MARCHF3: variants seen among roughly 807,000 people sequenced by gnomAD.
MARCHF3 encodes the protein E3 ubiquitin-protein ligase MARCHF3.
MARCHF3 carries 13 observed loss-of-function variants against 24.2 expected under a neutral mutation model. That is an observed-to-expected ratio of 0.54 (90% CI 0.35 to 0.85). The LOEUF (loss-of-function observed/expected upper bound fraction) is 0.85, where lower values mean the gene tolerates loss of function less well. MARCHF3 is among the 40% of genes least tolerant of loss of function. The pLI is 0.01. For missense variants in MARCHF3, 276 were observed against 325.0 expected, an observed-to-expected ratio of 0.85 and a Z score of 1.16; for synonymous variants, 144 against 137.3, an observed-to-expected ratio of 1.05 and a Z score of -0.34.
intron 1 of MARCHF3, among the ~76,000 whole-genome samples, chr5:126,974,301 T>G (rs956779493): frequency 6.6e-6 from 1 of 152,196 alleles, no homozygotes; most frequent in South Asian, 2.1e-4. Flanking sequence ...TGGTCCAGGC[T>G]CCTGGCCCCC....
intron 1 of MARCHF3, among the ~76,000 whole-genome samples, chr5:126,939,205 T>C (rs904995708): frequency 4.6e-5 from 7 of 152,344 alleles, no homozygotes; most frequent in African/African-American, 1.7e-4. Context: ...TATTTATTCA[T>C]TGACAACCCC....
rs539171041 is a variant in MARCHF3 at position 126,908,516 on chromosome 5, G to C, written c.393+6414C>G. On this transcript the variant is annotated intron_variant, in intron 3 of 4. Transcript: ENST00000308660. ...CCCATATTTCTTGGAGGCTTTGCTC[G>C]TTTCTTTTTATTCTTTTTTCTCTAA... Among the ~76,000 whole-genome samples the C allele has an allele frequency of 2.9e-3, 443 of 152,096 alleles. 2 individuals are homozygous for C. Among genetic ancestry groups the C allele is most frequent in the African/African-American group, 8.1e-3 (334 of 41,484 alleles).
At chr5:126,899,907 C>A (rs1754048419) in intron 3 of MARCHF3, among the ~76,000 whole-genome samples, 1 of 152,050 alleles carries the variant, frequency 6.6e-6, no homozygotes, top group Non-Finnish European at 1.5e-5. Flanking sequence ...TAGTGATGAA[C>A]CTACCTTGAC....
intron 1 of MARCHF3, among the ~76,000 whole-genome samples, chr5:126,972,639 T>TA (rs946929353): frequency 7.2e-5 from 11 of 152,200 alleles, no homozygotes; most frequent in African/African-American, 2.7e-4. Context: ...GAGACTGCCT[T>TA]ACCTCCATCC....
chr5:126,980,480 C>T (rs531075266), intron 1 of MARCHF3, among the ~76,000 whole-genome samples: 1 of 152,134 alleles, frequency 6.6e-6, no homozygotes, highest in East Asian at 1.9e-4. Flanking sequence ...AAGTGATTCC[C>T]CTGCCTCAGC....
Position 126,914,693 on chromosome 5 carries a change from TCTA to T in MARCHF3, c.393+234_393+236del, listed in dbSNP as rs951174305. 3 of 578,218 alleles carry T rather than the reference TCTA, an allele frequency of 5.2e-6. No homozygotes were observed. In the African/African-American group the frequency reaches 5.6e-5, roughly 11 times the overall value. The allele number at this position is 578,218 out of a possible 1,614,324, so 35.8% of individuals were successfully genotyped here. On this transcript the variant is annotated intron_variant, in intron 3 of 4. Transcript: ENST00000308660. ...TTATACTAATTTATTCTGCTTTCCTTCTACTGCTGGATCCCAAGTGAGCTAGCA... is the reference window on the plus strand; with the variant it reads ...TTATACTAATTTATTCTGCTTTCCTTCTGCTGGATCCCAAGTGAGCTAGCA...
chr5:126,902,445 G>C (rs1422400131), intron 3 of MARCHF3, among the ~76,000 whole-genome samples: 1 of 152,048 alleles, frequency 6.6e-6, no homozygotes, highest in Non-Finnish European at 1.5e-5. Context: ...TGAGAATGTG[G>C]GTTCTCATTT....
chr5:126,908,051 A>G (rs1754367370), intron 3 of MARCHF3, among the ~76,000 whole-genome samples: 1 of 152,018 alleles, frequency 6.6e-6, no homozygotes. Flanking sequence ...GCTTGTCTGT[A>G]AAGTATTCTA....
chr5:127,018,178 C>G (rs1157537517), intron 1 of MARCHF3, among the ~76,000 whole-genome samples: 2 of 152,142 alleles, frequency 1.3e-5, no homozygotes, highest in Non-Finnish European at 2.9e-5. Context: ...TAAGACCAGC[C>G]TGGCCAACAT....
At chr5:126,937,141 G>A (rs1035656451) in intron 1 of MARCHF3, among the ~76,000 whole-genome samples, 2 of 152,220 alleles carry the variant, frequency 1.3e-5, no homozygotes, top group African/African-American at 2.4e-5. Context: ...CAGCTACAGA[G>A]CACTGCAGCA....
At chr5:126,882,713 GCCTCATATCAGGCACCTC>G (rs1215772540) in intron 3 of MARCHF3, among the ~76,000 whole-genome samples, 4 of 152,154 alleles carry the variant, frequency 2.6e-5, no homozygotes, top group Non-Finnish European at 5.9e-5. Context: ...CACGTGGCCT[GCCTCATATCAGGCACCTC>G]ATGCTAAATG....
intron 3 of MARCHF3, among the ~76,000 whole-genome samples, chr5:126,906,374 T>A (rs1438939501): frequency 6.6e-6 from 1 of 152,240 alleles, no homozygotes; most frequent in Non-Finnish European, 1.5e-5. Context: ...TTGATTGGAA[T>A]AGTTTCAGAA....
At position 126,899,554 on chromosome 5, in the gene MARCHF3, G is replaced by C. The variant is rs549341118; in HGVS notation, c.393+15376C>G. Among the ~76,000 whole-genome samples the C allele has an allele frequency of 2.6e-5, 4 of 152,164 alleles. No homozygotes were observed. In the South Asian group the frequency reaches 8.3e-4, roughly 32 times the overall value. On this transcript the variant is annotated intron_variant, in intron 3 of 4. Coordinates refer to ENST00000308660, the MANE Select transcript of MARCHF3 (RefSeq NM_178450.5). ...AGTAAACTGAAGACTCAAATGCAGAGGAAGAGTAACTAAATGAGAAGAAAA... is the reference window on the plus strand; with the variant it reads ...AGTAAACTGAAGACTCAAATGCAGACGAAGAGTAACTAAATGAGAAGAAAA...
intron 1 of MARCHF3, among the ~76,000 whole-genome samples, chr5:126,963,055 T>C (rs1346857530): frequency 6.6e-6 from 1 of 152,128 alleles, no homozygotes; most frequent in East Asian, 1.9e-4. Flanking sequence ...TAACAACACC[T>C]ATCACTGCTT....
intron 1 of MARCHF3, among the ~76,000 whole-genome samples, chr5:126,982,704 C>T (rs1395948001): frequency 6.6e-6 from 1 of 152,180 alleles, no homozygotes; most frequent in East Asian, 1.9e-4. Context: ...CACATCAACT[C>T]TCTACTCTAG....
At chr5:127,019,985 T>G (rs1282626165) in intron 1 of MARCHF3, among the ~76,000 whole-genome samples, 3 of 152,094 alleles carry the variant, frequency 2.0e-5, no homozygotes, top group Admixed American at 6.5e-5. Flanking sequence ...GCTTTTTAAT[T>G]TACAACACTG....
rs144798456 is a variant in MARCHF3, at chr5:126,869,920, A to T, written c.*713T>A. On this transcript the variant is annotated 3_prime_UTR_variant, in exon 5 of 5. Coordinates refer to ENST00000308660, the MANE Select transcript of MARCHF3 (RefSeq NM_178450.5). Reference sequence around the variant, plus strand: ...TAGCTTCTATCAGCTGTCAGTACCAAACAAGTTGAAAGGAGCGAGCTTCTC... The same window carrying T: ...TAGCTTCTATCAGCTGTCAGTACCATACAAGTTGAAAGGAGCGAGCTTCTC... 2 of 152,684 alleles carry T rather than the reference A, an allele frequency of 1.3e-5. No individual in the cohort carries two copies. Among genetic ancestry groups the T allele is most frequent in the African/African-American group, 4.8e-5 (2 of 41,542 alleles). The allele number at this position is 152,684 out of a possible 1,614,324, so 9.5% of individuals were successfully genotyped here. A position where few individuals can be genotyped will look rare whatever the true frequency, so the allele number is the denominator to read the frequency against.
At chr5:126,963,519 A>G (rs1750711784) in intron 1 of MARCHF3, among the ~76,000 whole-genome samples, 2 of 152,284 alleles carry the variant, frequency 1.3e-5, no homozygotes, top group South Asian at 4.1e-4. Context: ...AAAACAAAAA[A>G]CCAAGCACTC....
At chr5:126,874,164 C>T (rs1753066968) in intron 4 of MARCHF3, among the ~76,000 whole-genome samples, 1 of 152,174 alleles carries the variant, frequency 6.6e-6, no homozygotes, top group Non-Finnish European at 1.5e-5. Context: ...TAACTAACCT[C>T]CTATCATGGG....
Sources: gnomAD v4.1 joint callset for allele counts (sites outside exome capture counted in the v4.1 genomes callset) on GRCh38, gnomAD v4.1.1 for gene constraint, MANE v1.5 for transcripts, NCBI Gene and HGNC (gene_info 2026-07-23, HGNC 2026-07-21) for gene names.